Variants in SLC38A3 observed in about 807,000 individuals in gnomAD.
The protein encoded by SLC38A3 is solute carrier family 38 member 3.
Under a neutral mutation model 59.5 loss-of-function variants are expected in SLC38A3, and 17 were observed. The ratio of observed to expected loss-of-function variants is 0.29; its 90% CI spans 0.20 to 0.43. SLC38A3 has a LOEUF of 0.43. Ranked by LOEUF, SLC38A3 falls within the 20% of genes least tolerant of loss-of-function variation. The pLI, the probability that SLC38A3 is intolerant of heterozygous loss-of-function variation, is 1.00. For synonymous variants in SLC38A3, 238 were observed against 260.3 expected (o/e 0.91, Z 0.82); for missense variants, 454 against 653.9 (o/e 0.69, Z 3.33).
intron 1 of SLC38A3, among the ~76,000 whole-genome samples, chr3:50,206,995 G>A (rs1275504982): frequency 1.3e-5 from 2 of 152,374 alleles, no homozygotes; most frequent in African/African-American, 4.8e-5. Flanking sequence ...GTGGTTCATG[G>A]TCTCTGGGTT....
In SLC38A3 at chr3:50,221,075, G is replaced by T. The variant is rs984780993; in HGVS notation, c.*898G>T. ...GGTGATGGAGGGCCCCCGTCTCCTTGTCTGGGATGAGGGTGGGGACAGGGC... is the reference window on the plus strand; with the variant it reads ...GGTGATGGAGGGCCCCCGTCTCCTTTTCTGGGATGAGGGTGGGGACAGGGC... On this transcript the variant is annotated 3_prime_UTR_variant, in exon 16 of 16. Coordinates refer to ENST00000614032, the MANE Select transcript of SLC38A3 (RefSeq NM_006841.6). 6.6e-6 allele frequency: 1 copy of T among 152,232 alleles called. No individual in the cohort carries two copies. Among genetic ancestry groups the T allele is most frequent in the Non-Finnish European group, 1.5e-5 (1 of 68,090 alleles). 9.4% of individuals were successfully genotyped at this position (152,232 alleles called of 1,614,324 possible).
rs755599587 is a variant in SLC38A3, at chr3:50,218,044, T to C, written c.935+48T>C. On this transcript the variant is annotated intron_variant, in intron 11 of 15. Coordinates refer to ENST00000614032, the MANE Select transcript of SLC38A3 (RefSeq NM_006841.6). The surrounding 1 kb of genome is among the most constrained non-coding windows in gnomAD (Gnocchi z 5.8). ...GGGGGTGGGGATGCCCTGAGCTGGTTTGGGGAGAATGGATGTGGTCCTGAA... is the reference window on the plus strand; with the variant it reads ...GGGGGTGGGGATGCCCTGAGCTGGTCTGGGGAGAATGGATGTGGTCCTGAA... 14 of 1,562,824 alleles carry C rather than the reference T, an allele frequency of 9.0e-6. No individual in the cohort carries two copies. Among genetic ancestry groups the C allele is most frequent in the African/African-American group, 6.8e-5 (5 of 73,790 alleles).
rs761030811 is a variant in SLC38A3, at chr3:50,218,781, G to A, written c.1162-23G>A. 6.3e-7 allele frequency: 1 copy of A among 1,599,528 alleles called. No individual in the cohort carries two copies. Among genetic ancestry groups the A allele is most frequent in the Non-Finnish European group, 8.6e-7 (1 of 1,167,842 alleles). On this transcript the variant is annotated intron_variant, in intron 13 of 15. Coordinates refer to ENST00000614032, the MANE Select transcript of SLC38A3 (RefSeq NM_006841.6). The surrounding 1 kb of genome is among the most constrained non-coding windows in gnomAD (Gnocchi z 5.8). ...GGGCTGATGGGGCCAACAGGCTGAT[G>A]ATTCTTCTCACCTGCCCCCCAGGTG...
rs190944427 is a variant in SLC38A3 at position 50,205,740 on chromosome 3, C to A, written c.-52+392C>A. ...GCCCATGGGGCAGGCTGGAGAGGGC[C>A]CGAGGGGAGGACCCAAGAGGGGCCT... On this transcript the variant is annotated intron_variant, in intron 1 of 15. Transcript: ENST00000614032. Among the ~76,000 whole-genome samples, 11 of 152,354 alleles carry A rather than the reference C, an allele frequency of 7.2e-5. No homozygotes were observed. The East Asian group carries it at 2.1e-3, about 29-fold the overall frequency.
intron 1 of SLC38A3, among the ~76,000 whole-genome samples, chr3:50,211,469 C>T (rs1699726247): frequency 6.6e-6 from 1 of 151,788 alleles, no homozygotes; most frequent in African/African-American, 2.4e-5. Flanking sequence ...GTGCTCTCTG[C>T]CTGGTACACT....
At position 50,220,426 on chromosome 3, in the gene SLC38A3, G is replaced by A. The variant is rs62260796; in HGVS notation, c.*249G>A. The stretch of plus-strand genomic sequence containing the variant: ...GAACTGGGAGCAGGGTAGGGCTGTC[G>A]CCTTAGATCCCGCCCAAGCCCCTCA... On this transcript the variant is annotated 3_prime_UTR_variant, in exon 16 of 16. Transcript: ENST00000614032. 1.1e-4 allele frequency: 55 copies of A among 521,188 alleles called. No homozygotes were observed. In the South Asian group the frequency reaches 1.1e-3, roughly 10 times the overall value. 32.3% of individuals were successfully genotyped at this position (521,188 alleles called of 1,614,324 possible).
intron 1 of SLC38A3, among the ~76,000 whole-genome samples, chr3:50,213,224 G>T (rs966623647): frequency 3.9e-5 from 6 of 152,210 alleles, no homozygotes; most frequent in African/African-American, 1.4e-4. Flanking sequence ...GCCGGCCAAG[G>T]GCCTGAGCTC....
At position 50,214,942 on chromosome 3, in the gene SLC38A3, A is replaced by G; in HGVS notation, c.299+174A>G. On this transcript the variant is annotated intron_variant, in intron 4 of 15. Transcript: ENST00000614032. The surrounding 1 kb of genome is among the most constrained non-coding windows in gnomAD (Gnocchi z 6.0). ...ATCCACAGCCAAACAAATATACCTC[A>G]CTGCCCAGTAAACCGACTGAGGTCA... is the stretch of plus-strand genomic sequence containing the variant. The G allele has an allele frequency of 1.6e-6, 1 of 626,268 alleles. No individual in the cohort carries two copies. The highest frequency in any genetic ancestry group is 2.8e-6 in the Non-Finnish European group (1 of 353,750). 38.8% of individuals were successfully genotyped at this position (626,268 alleles called of 1,614,324 possible).
At chr3:50,208,703 A>G (rs574901912) in intron 1 of SLC38A3, among the ~76,000 whole-genome samples, 1 of 152,026 alleles carries the variant, frequency 6.6e-6, no homozygotes, top group East Asian at 1.9e-4. Context: ...CGCTATCTGC[A>G]TGTGGTTTTT....
At position 50,215,599 on chromosome 3, in the gene SLC38A3, GGCAGCA is replaced by G. The variant is rs1699806733; in HGVS notation, c.432_437del (p.Ala145_Ala146del). The G allele has an allele frequency of 6.2e-7, 1 of 1,613,650 alleles. No individual in the cohort carries two copies. Among genetic ancestry groups the G allele is most frequent in the Admixed American group, 1.7e-5 (1 of 59,970 alleles). On this transcript the variant is annotated inframe_deletion, in exon 6 of 16. Transcript: ENST00000614032. This position sits in a 1 kb window ranked among gnomAD's most constrained non-coding sequence, Gnocchi z 7.1. ...GTGCCTTTGGGACCCCAGGAAAGCT[GGCAGCA>G]GCCCTGGCCATCACGCTCCAGAACA...
chr3:50,211,417 A>G (rs747865829), intron 1 of SLC38A3, among the ~76,000 whole-genome samples: 9 of 152,130 alleles, frequency 5.9e-5, no homozygotes, highest in Non-Finnish European at 1.0e-4. Flanking sequence ...TTCAACGCTT[A>G]CAGCTTGCCT....
In SLC38A3 at chr3:50,215,942, G is replaced by A; in HGVS notation, c.548+121G>A. The A allele has an allele frequency of 1.3e-6, 1 of 771,398 alleles. No individual in the cohort carries two copies. Among genetic ancestry groups the A allele is most frequent in the Non-Finnish European group, 2.2e-6 (1 of 464,720 alleles). 47.8% of individuals were successfully genotyped at this position (771,398 alleles called of 1,614,324 possible). A position where few individuals can be genotyped will look rare whatever the true frequency, so the allele number is the denominator to read the frequency against. ...GGGCTGGTGGGAGAGACAAGACAAA[G>A]CAGACAAGAAGCTGGTGGAGTGGGG... On this transcript the variant is annotated intron_variant, in intron 7 of 15. Transcript: ENST00000614032. This position sits in a 1 kb window ranked among gnomAD's most constrained non-coding sequence, Gnocchi z 7.1.
At chr3:50,212,858 A>C (rs777630886) in intron 1 of SLC38A3, among the ~76,000 whole-genome samples, 1 of 152,186 alleles carries the variant, frequency 6.6e-6, no homozygotes, top group Non-Finnish European at 1.5e-5. Flanking sequence ...TGGGGGGTTC[A>C]GGGCAGAATT....
In SLC38A3 at chr3:50,220,233, A is replaced by T. The variant is rs1033779747; in HGVS notation, c.*56A>T. On this transcript the variant is annotated 3_prime_UTR_variant, in exon 16 of 16. Coordinates refer to ENST00000614032, the MANE Select transcript of SLC38A3 (RefSeq NM_006841.6). Reference sequence around the variant, plus strand: ...CCTAGCAGCCCTGCCCAGACTCTTCAGCCCCTGCTCCCATCCAGTGGCCAG... The same window carrying T: ...CCTAGCAGCCCTGCCCAGACTCTTCTGCCCCTGCTCCCATCCAGTGGCCAG... 50 of 1,364,038 alleles carry T rather than the reference A, an allele frequency of 3.7e-5. No homozygotes were observed. The highest frequency in any genetic ancestry group is 6.2e-5 in the South Asian group (5 of 80,412). The allele number at this position is 1,364,038 out of a possible 1,614,324, so 84.5% of individuals were successfully genotyped here. A position where few individuals can be genotyped will look rare whatever the true frequency, so the allele number is the denominator to read the frequency against.
intron 1 of SLC38A3, chr3:50,207,223 T>G (rs1184751927): frequency 1.3e-5 from 2 of 152,288 alleles, no homozygotes; most frequent in African/African-American, 4.8e-5. Context: ...GGAGGATGTT[T>G]TAGTGTAGAC....
chr3:50,215,684 A>C lies in SLC38A3; in HGVS notation c.466+48A>C. 6.2e-7 allele frequency: 1 copy of C among 1,610,514 alleles called. No homozygotes were observed. Among genetic ancestry groups the C allele is most frequent in the Non-Finnish European group, 8.5e-7 (1 of 1,177,542 alleles). On this transcript the variant is annotated intron_variant, in intron 6 of 15. Coordinates refer to ENST00000614032, the MANE Select transcript of SLC38A3 (RefSeq NM_006841.6). The surrounding 1 kb of genome is among the most constrained non-coding windows in gnomAD (Gnocchi z 7.1). ...GGCAGTAGGGAGGTGGACAGCCCTG[A>C]AAGCTGGCTGGTTGGGCTGACCTCA...
chr3:50,220,043 C>G, intron 15 of SLC38A3, 30 bp from the exon 16 acceptor site: 1 of 1,600,858 alleles, frequency 6.2e-7, no homozygotes, highest in Non-Finnish European at 8.5e-7. Context: ...GCCCTGACCT[C>G]GGACCTGACC....
At position 50,218,645 on chromosome 3, in the gene SLC38A3, C is replaced by T. The variant is rs75015997; in HGVS notation, c.1089C>T (p.Asp363=). 1,010 of 1,613,766 alleles carry T rather than the reference C, an allele frequency of 6.3e-4. 15 individuals carry two copies. In the East Asian group the frequency reaches 0.021, roughly 34 times the overall value. The change falls in exon 13 of 16, where the codon GAC becomes GAT. Residue 363 remains aspartate, a synonymous_variant. Transcript: ENST00000614032. This position sits in a 1 kb window ranked among gnomAD's most constrained non-coding sequence, Gnocchi z 5.8. The part of the protein sequence containing the change: ...LHTYSKVDPF[D]VLILCVRVAV... ...CCTACAGCAAGGTGGACCCGTTTGA[C>T]GTCCTGATCCTGTGTGTGCGCGTGG...
Position 50,217,178 on chromosome 3 carries a change from AG to A in SLC38A3, c.549-56del. 1.7e-6 allele frequency: 2 copies of A among 1,149,064 alleles called. No individual in the cohort carries two copies. Among genetic ancestry groups the A allele is most frequent in the Non-Finnish European group, 2.6e-6 (2 of 775,578 alleles). The allele number at this position is 1,149,064 out of a possible 1,614,324, so 71.2% of individuals were successfully genotyped here. ...ATTGGTAACTCCAGCAGAGGGAGGC[AG>A]GGGCCCCATCCCAGGCTGAATGGAT... On this transcript the variant is annotated intron_variant, in intron 7 of 15. Coordinates refer to ENST00000614032, the MANE Select transcript of SLC38A3 (RefSeq NM_006841.6). This position sits in a 1 kb window ranked among gnomAD's most constrained non-coding sequence, Gnocchi z 4.9.
Sources: gnomAD v4.1 joint callset for allele counts (sites outside exome capture counted in the v4.1 genomes callset) on GRCh38, gnomAD v4.1.1 for gene constraint, Gnocchi (gnomAD v3.1) non-coding constraint, MANE v1.5 for transcripts, NCBI Gene and HGNC (gene_info 2026-07-23, HGNC 2026-07-21) for gene names.